The following PTPN13 variants were observed in gnomAD, a reference collection of about 807,000 sequenced individuals.
PTPN13 encodes tyrosine-protein phosphatase non-receptor type 13.
In PTPN13, 191 loss-of-function variants were observed where a neutral mutation model predicts 284.0. The ratio of observed to expected loss-of-function variants is 0.67; its 90% CI spans 0.60 to 0.76. PTPN13 has a LOEUF of 0.76. Among genes scored for constraint, PTPN13 ranks in the 30% least tolerant of loss-of-function variants. The probability of loss-of-function intolerance (pLI) is 0.00; values close to 1 mark genes in which losing one functional copy is unlikely to be tolerated. For synonymous variants in PTPN13, 986 were observed against 1,022.3 expected (o/e 0.96, Z 0.68); for missense variants, 2,797 against 2,939.9 (o/e 0.95, Z 1.12).
At chr4:86,766,047 C>T (rs191976141) in intron 26 of PTPN13, among the ~76,000 whole-genome samples, 38 of 152,214 alleles carry the variant, frequency 2.5e-4, no homozygotes, top group African/African-American at 8.2e-4. Context: ...AGGCTGGTCT[C>T]GAACTCCTGA....
intron 7 of PTPN13, among the ~76,000 whole-genome samples, chr4:86,711,540 T>C (rs1732418519): frequency 1.3e-5 from 2 of 152,172 alleles, no homozygotes; most frequent in Admixed American, 1.3e-4. Context: ...CTCATTAATA[T>C]TTCTAACACT....
intron 16 of PTPN13, among the ~76,000 whole-genome samples, chr4:86,744,030 T>C (rs545411042): frequency 6.6e-6 from 1 of 152,164 alleles, no homozygotes; most frequent in Non-Finnish European, 1.5e-5. Context: ...TGGAGTATGC[T>C]CTCTTCCACA....
chr4:86,653,972 G>A (rs1725429789), intron 2 of PTPN13, among the ~76,000 whole-genome samples: 1 of 152,124 alleles, frequency 6.6e-6, no homozygotes, highest in Non-Finnish European at 1.5e-5. Context: ...AGGATTTTTA[G>A]CTTTGGATCA....
chr4:86,627,599 A>C (rs574671834), intron 1 of PTPN13, among the ~76,000 whole-genome samples: 55 of 152,036 alleles, frequency 3.6e-4, no homozygotes, highest in Non-Finnish European at 1.5e-5. Context: ...TTAAGTTTTG[A>C]CATATGTATG....
Position 86,693,612 on chromosome 4 carries a change from A to G in PTPN13, c.572A>G (p.Glu191Gly), listed in dbSNP as rs776625877. Reference protein sequence around the residue: ...SGTDQLSCNSEQKPDRSQAIR... With the variant: ...SGTDQLSCNSGQKPDRSQAIR... Reference sequence around the variant, plus strand: ...ACAGATCAGCTTTCCTGTAACAGTGAACAAAAGCCTGATCGAAGCCAGGCT... The same window carrying G: ...ACAGATCAGCTTTCCTGTAACAGTGGACAAAAGCCTGATCGAAGCCAGGCT... The change falls in exon 6 of 48, where the codon GAA becomes GGA. Residue 191 changes from glutamate (E) to glycine (G), a missense_variant. Coordinates refer to ENST00000411767, the MANE Select transcript of PTPN13 (RefSeq NM_080683.3). 1 of 1,555,532 alleles carries G rather than the reference A, an allele frequency of 6.4e-7. No homozygotes were observed. The highest frequency in any genetic ancestry group is 8.7e-7 in the Non-Finnish European group (1 of 1,146,850).
chr4:86,780,115 C>T lies in PTPN13; in HGVS notation c.5892-287C>T, dbSNP rs568212449. Among the ~76,000 whole-genome samples the T allele has an allele frequency of 1.4e-4, 21 of 151,934 alleles. No homozygotes were observed. In the East Asian group the frequency reaches 3.7e-3, roughly 27 times the overall value. On this transcript the variant is annotated intron_variant, in intron 35 of 47. Transcript: ENST00000411767. ...TCTTTTTTGGGTCAAGAATATCTCC[C>T]GGGCCAGTCACGGTGGCTCACACCT... is the stretch of plus-strand genomic sequence containing the variant.
At chr4:86,638,554 A>G (rs902130994) in intron 2 of PTPN13, among the ~76,000 whole-genome samples, 1 of 152,160 alleles carries the variant, frequency 6.6e-6, no homozygotes. Flanking sequence ...TCTTTGACAA[A>G]CCTGACAAAA....
At chr4:86,730,774 C>T (rs555551681) in intron 10 of PTPN13, among the ~76,000 whole-genome samples, 1 of 128,918 alleles carries the variant, frequency 7.8e-6, no homozygotes, top group East Asian at 2.0e-4. Context: ...TGAGGTGATG[C>T]CCCGTCCGGC....
chr4:86,687,381 A>G (rs778717031), intron 4 of PTPN13, among the ~76,000 whole-genome samples: 19 of 152,230 alleles, frequency 1.2e-4, no homozygotes, highest in Admixed American at 3.3e-4. Context: ...CTGATTCTTA[A>G]TGACCAATAT....
chr4:86,693,130 A>G (rs1315422470), intron 5 of PTPN13, among the ~76,000 whole-genome samples: 1 of 151,820 alleles, frequency 6.6e-6, no homozygotes, highest in Non-Finnish European at 1.5e-5. Flanking sequence ...CTGAAGGGCA[A>G]GATCTATAAA....
chr4:86,732,848 C>T, intron 12 of PTPN13, 82 bp downstream of exon 12: 1 of 1,202,170 alleles, frequency 8.3e-7, no homozygotes, highest in Non-Finnish European at 1.1e-6. Flanking sequence ...CATGCCTGAC[C>T]TCATTTTGAC....
At chr4:86,695,404 T>A (rs1730493291) in intron 6 of PTPN13, among the ~76,000 whole-genome samples, 1 of 152,088 alleles carries the variant, frequency 6.6e-6, no homozygotes, top group Non-Finnish European at 1.5e-5. Context: ...ATTTTTATAC[T>A]ATTCTAGGAT....
At chr4:86,777,575 C>T (rs1235593264) in intron 35 of PTPN13, among the ~76,000 whole-genome samples, 1 of 152,124 alleles carries the variant, frequency 6.6e-6, no homozygotes, top group Admixed American at 6.5e-5. Context: ...AGAATGTAAA[C>T]ATCTTGGAAG....
intron 2 of PTPN13, among the ~76,000 whole-genome samples, chr4:86,642,449 C>CT (rs1241682151): frequency 4.0e-4 from 11 of 27,454 alleles, no homozygotes; most frequent in African/African-American, 1.4e-3. Context: ...TCTTCTTCTT[C>CT]TTTTTTTTTT....
chr4:86,698,578 G>T (rs950337247), intron 6 of PTPN13, among the ~76,000 whole-genome samples: 46 of 152,136 alleles, frequency 3.0e-4, no homozygotes, highest in African/African-American at 1.1e-3. Context: ...CATAAAGGAA[G>T]AAAAACCAAA....
chr4:86,741,224 T>A (rs1736134730), intron 15 of PTPN13, among the ~76,000 whole-genome samples: 1 of 152,180 alleles, frequency 6.6e-6, no homozygotes, highest in South Asian at 2.1e-4. Flanking sequence ...CAATCTACTG[T>A]ATTAGTCCAT....
chr4:86,709,581 A>G (rs963745563), intron 7 of PTPN13, among the ~76,000 whole-genome samples: 7 of 152,222 alleles, frequency 4.6e-5, no homozygotes, highest in Non-Finnish European at 1.0e-4. Context: ...GTTTTGTCCA[A>G]CTCATAAGAG....
intron 42 of PTPN13, among the ~76,000 whole-genome samples, chr4:86,803,196 G>A (rs1565619234): frequency 6.7e-6 from 1 of 149,754 alleles, no homozygotes; most frequent in East Asian, 1.9e-4. Flanking sequence ...TATTTATTGT[G>A]TATATATATA....
chr4:86,636,665 C>T (rs541830391), intron 2 of PTPN13, among the ~76,000 whole-genome samples: 2,138 of 151,994 alleles, frequency 0.014, 25 homozygotes, highest in Non-Finnish European at 0.021. Flanking sequence ...ATCTCTGGGA[C>T]ACATTCAAAG....
Sources: allele counts gnomAD v4.1 joint callset (sites outside exome capture counted in the v4.1 genomes callset), GRCh38; gene constraint gnomAD v4.1.1; transcripts MANE v1.5; gene names NCBI Gene and HGNC (gene_info 2026-07-23, HGNC 2026-07-21).